Variants in HACD3 observed in about 807,000 individuals in gnomAD.
The protein encoded by HACD3 is 3-hydroxyacyl-CoA dehydratase 3, also known as very-long-chain (3R)-3-hydroxyacyl-CoA dehydratase 3.
In HACD3, 30 loss-of-function variants were observed where a neutral mutation model predicts 55.2. The observed-to-expected ratio is 0.54, with a 90% CI of 0.41 to 0.74. The LOEUF (loss-of-function observed/expected upper bound fraction) is 0.74. Among genes scored for constraint, HACD3 ranks in the 30% least tolerant of loss-of-function variants. The pLI, the probability that HACD3 is intolerant of heterozygous loss-of-function variation, is 0.00. For missense variants in HACD3, 363 were observed against 440.1 expected (o/e 0.82, Z 1.57); for synonymous variants, 141 against 151.7 (o/e 0.93, Z 0.52).
At chr15:65,551,799 A>G (rs1351475610) in intron 2 of HACD3, 81 bp downstream of exon 2, 5 of 1,524,424 alleles carry the variant, frequency 3.3e-6, no homozygotes, top group East Asian at 2.3e-5. Flanking sequence ...AAAAAAATGT[A>G]TTTGTCTTAC....
In HACD3 at chr15:65,576,380, AAAG is replaced by A. The variant is rs1389230647; in HGVS notation, c.*4_*6del. On this transcript the variant is annotated 3_prime_UTR_variant, in exon 11 of 11. Coordinates refer to ENST00000261875, the MANE Select transcript of HACD3 (RefSeq NM_016395.4). The stretch of plus-strand genomic sequence containing the variant: ...ACAAAAAAAGAAAAAGATCCACTAA[AAAG>A]AAAGATTTAGATGGCTTCTTGCCAG... 6.3e-7 allele frequency: 1 copy of A among 1,597,170 alleles called. No individual in the cohort carries two copies. The highest frequency in any genetic ancestry group is 8.5e-7 in the Non-Finnish European group (1 of 1,171,544).
intron 10 of HACD3, among the ~76,000 whole-genome samples, chr15:65,573,212 C>T (rs59084855): frequency 3.4e-4 from 52 of 152,106 alleles, no homozygotes; most frequent in African/African-American, 1.2e-3. Context: ...CCTTTATAAA[C>T]TAACAGAAGG....
chr15:65,558,534 A>G, intron 4 of HACD3, 146 bp from the exon 5 acceptor site: 1 of 719,110 alleles, frequency 1.4e-6, no homozygotes, highest in Non-Finnish European at 2.4e-6. Flanking sequence ...TGGCCCTATG[A>G]CCTAGAATAT....
chr15:65,560,521 A>G (rs1052023752), intron 5 of HACD3, among the ~76,000 whole-genome samples: 8 of 152,198 alleles, frequency 5.3e-5, no homozygotes, highest in African/African-American at 1.9e-4. Context: ...GATCAGGCCA[A>G]GTATGATGGC....
intron 2 of HACD3, among the ~76,000 whole-genome samples, chr15:65,552,647 T>G (rs2072145776): frequency 6.6e-6 from 1 of 151,662 alleles, no homozygotes; most frequent in Admixed American, 6.6e-5. Context: ...TTGTTTTTTG[T>G]TTTTGTTTTT....
chr15:65,548,766 A>G (rs4496075), intron 1 of HACD3, among the ~76,000 whole-genome samples: 7,192 of 151,944 alleles, frequency 0.047, 576 homozygotes, highest in African/African-American at 0.17. Flanking sequence ...GAGACGGTCT[A>G]TGTTGTTCAG....
intron 4 of HACD3, among the ~76,000 whole-genome samples, chr15:65,557,235 G>A (rs1411834742): frequency 6.6e-6 from 1 of 152,132 alleles, no homozygotes; most frequent in African/African-American, 2.4e-5. Flanking sequence ...CAGCACTTTG[G>A]GAGGCCAAGG....
At chr15:65,559,757 T>A (rs1424258716) in intron 5 of HACD3, among the ~76,000 whole-genome samples, 2 of 152,008 alleles carry the variant, frequency 1.3e-5, no homozygotes, top group Non-Finnish European at 1.5e-5. Context: ...AGAGGTTCAG[T>A]GGAGGCAAAG....
At chr15:65,559,136 C>T (rs2141218147) in intron 5 of HACD3, among the ~76,000 whole-genome samples, 1 of 152,322 alleles carries the variant, frequency 6.6e-6, no homozygotes, top group Middle Eastern at 3.4e-3. Context: ...GGTTGTCAGC[C>T]TGAAAGATGG....
intron 1 of HACD3, among the ~76,000 whole-genome samples, chr15:65,538,102 G>A (rs192885055): frequency 2.6e-4 from 40 of 151,374 alleles, no homozygotes; most frequent in African/African-American, 8.5e-4. Flanking sequence ...TTTCATGCCC[G>A]CTAACATAAC....
chr15:65,573,937 CT>C (rs1213942800), intron 10 of HACD3, among the ~76,000 whole-genome samples: 3 of 152,134 alleles, frequency 2.0e-5, no homozygotes, highest in African/African-American at 4.8e-5. Flanking sequence ...TATAAGGACT[CT>C]TTAAAGTTCT....
intron 2 of HACD3, among the ~76,000 whole-genome samples, chr15:65,554,557 C>T (rs1218039589): frequency 6.6e-6 from 1 of 152,060 alleles, no homozygotes; most frequent in Non-Finnish European, 1.5e-5. Context: ...GGGTGGATCA[C>T]AAGGTCAGGA....
chr15:65,541,796 C>G (rs964148684), intron 1 of HACD3, among the ~76,000 whole-genome samples: 1 of 151,650 alleles, frequency 6.6e-6, no homozygotes, highest in Admixed American at 6.6e-5. Flanking sequence ...TACATACACC[C>G]AATTGAGTAT....
intron 1 of HACD3, 166 bp downstream of exon 1, chr15:65,530,884 TGCAGATCTCGG>T (rs561830247): frequency 1.5e-6 from 1 of 655,438 alleles, no homozygotes; most frequent in South Asian, 2.1e-5. Flanking sequence ...GAGGCTCATC[TGCAGATCTCGG>T]GCCGGGGGCA....
intron 1 of HACD3, among the ~76,000 whole-genome samples, chr15:65,533,370 A>G (rs774375545): frequency 6.6e-6 from 1 of 152,202 alleles, no homozygotes; most frequent in Non-Finnish European, 1.5e-5. Flanking sequence ...GGGTATCTGA[A>G]TAAATCTTAC....
intron 5 of HACD3, among the ~76,000 whole-genome samples, chr15:65,561,771 A>G (rs564511476): frequency 6.6e-6 from 1 of 152,182 alleles, no homozygotes; most frequent in Non-Finnish European, 1.5e-5. Flanking sequence ...TCAGGTTCCC[A>G]CAGATGGAGG....
At chr15:65,561,650 C>T (rs1436751733) in intron 5 of HACD3, among the ~76,000 whole-genome samples, 1 of 152,096 alleles carries the variant, frequency 6.6e-6, no homozygotes, top group Non-Finnish European at 1.5e-5. Flanking sequence ...ACTTCTGTGA[C>T]CAAGTGGGTG....
intron 1 of HACD3, among the ~76,000 whole-genome samples, chr15:65,537,217 A>G (rs1596203135): frequency 1.3e-5 from 2 of 152,218 alleles, no homozygotes; most frequent in African/African-American, 4.8e-5. Context: ...TGCAAGGTGA[A>G]GCTACAAGTG....
Position 65,564,223 on chromosome 15 carries a change from T to C in HACD3, c.541T>C (p.Tyr181His), listed in dbSNP as rs746498079. Residue 181 changes from tyrosine to histidine, a missense_variant, in exon 7 of 11, where the codon TAT (tyrosine) becomes CAT (histidine). Transcript: ENST00000261875. ...TATATTTTTGCCTATAGAGTCCTTT[T>C]ATGACACATTCCATACTGTGGCTGA... ...RFCILGKESF[Y>H]DTFHTVADMM... is the part of the protein sequence containing the mutation. 1 of 1,613,522 alleles carries C rather than the reference T, an allele frequency of 6.2e-7. No homozygotes were observed. The highest frequency in any genetic ancestry group is 8.5e-7 in the Non-Finnish European group (1 of 1,179,670).
Sources: allele counts gnomAD v4.1 joint callset (sites outside exome capture counted in the v4.1 genomes callset), GRCh38; gene constraint gnomAD v4.1.1; transcripts MANE v1.5; gene names NCBI Gene and HGNC (gene_info 2026-07-23, HGNC 2026-07-21).